Variants in PDE10A observed in about 807,000 individuals in gnomAD.
PDE10A encodes the protein cAMP and cAMP-inhibited cGMP 3',5'-cyclic phosphodiesterase 10A.
Under a neutral mutation model 97.7 loss-of-function variants are expected in PDE10A, and 39 were observed. The observed-to-expected ratio is 0.40, with a 90% CI of 0.31 to 0.52. The LOEUF is 0.52. PDE10A is among the 20% of genes least tolerant of loss of function. The pLI is 0.56. For missense variants in PDE10A, 731 were observed against 1,047.8 expected (o/e 0.70, Z 4.17); for synonymous variants, 371 against 376.8 (o/e 0.98, Z 0.18).
chr6:165,377,892 C>T (rs1784710635), intron 18 of PDE10A, among the ~76,000 whole-genome samples: 1 of 152,154 alleles, frequency 6.6e-6, no homozygotes, highest in African/African-American at 2.4e-5. Context: ...GGGGCTTTTC[C>T]CTGATACCAT....
chr6:165,763,432 C>A (rs1399449192), intron 1 of PDE10A, among the ~76,000 whole-genome samples: 8 of 151,532 alleles, frequency 5.3e-5, no homozygotes, highest in Non-Finnish European at 1.5e-5. Context: ...AAGCGATTCT[C>A]GTGCCTCAGC....
At position 165,572,542 on chromosome 6, in the gene PDE10A, A is replaced by G. The variant is rs77478779; in HGVS notation, c.866-28974T>C. On this transcript the variant is annotated intron_variant, in intron 1 of 21. Transcript: ENST00000539869. Reference sequence around the variant, plus strand: ...CTTAATCCAAAATGTCATTTTAACAATTCAGTGGCATTTCTAAATTGCTAA... The same window carrying G: ...CTTAATCCAAAATGTCATTTTAACAGTTCAGTGGCATTTCTAAATTGCTAA... 9.1e-3 allele frequency among the ~76,000 whole-genome samples: 1,390 copies of G among 152,370 alleles called. 22 individuals are homozygous for G. Among genetic ancestry groups the G allele is most frequent in the African/African-American group, 0.023 (969 of 41,592 alleles).
chr6:165,815,606 A>T (rs966162277), intron 1 of PDE10A, among the ~76,000 whole-genome samples: 1 of 152,190 alleles, frequency 6.6e-6, no homozygotes. Flanking sequence ...TGGACGGCCA[A>T]TGAAGAAGAG....
chr6:165,813,587 A>G (rs1417597125), intron 1 of PDE10A, among the ~76,000 whole-genome samples: 4 of 152,232 alleles, frequency 2.6e-5, no homozygotes, highest in Non-Finnish European at 5.9e-5. Context: ...AAAGATGACA[A>G]TGCATCCGAA....
intron 1 of PDE10A, among the ~76,000 whole-genome samples, chr6:165,896,081 C>T (rs1314854252): frequency 1.3e-5 from 2 of 152,182 alleles, no homozygotes; most frequent in East Asian, 1.9e-4. Flanking sequence ...CTGCCCGGGC[C>T]GTGGTGAGAA....
intron 18 of PDE10A, among the ~76,000 whole-genome samples, chr6:165,355,304 C>G (rs181915610): frequency 6.6e-6 from 1 of 152,090 alleles, no homozygotes; most frequent in Non-Finnish European, 1.5e-5. Flanking sequence ...AATGACCACA[C>G]CAATGATGAC....
At chr6:165,841,864 T>C (rs2128473333) in intron 1 of PDE10A, among the ~76,000 whole-genome samples, 1 of 152,342 alleles carries the variant, frequency 6.6e-6, no homozygotes, top group East Asian at 1.9e-4. Context: ...GGGCTTCAGT[T>C]ATCTCAACTA....
At chr6:165,773,639 G>A (rs1189483768) in intron 1 of PDE10A, among the ~76,000 whole-genome samples, 1 of 152,100 alleles carries the variant, frequency 6.6e-6, no homozygotes. Flanking sequence ...TGCAATAAAC[G>A]AATTCACTAT....
chr6:165,604,518 TAAA>T (rs34272357), intron 1 of PDE10A, among the ~76,000 whole-genome samples: 28 of 137,736 alleles, frequency 2.0e-4, no homozygotes, highest in Admixed American at 2.2e-4. Context: ...CTCTCTTTGT[TAAA>T]AAAAAAAAAA....
chr6:165,581,003 T>C (rs1785587884), intron 1 of PDE10A, among the ~76,000 whole-genome samples: 1 of 152,222 alleles, frequency 6.6e-6, no homozygotes, highest in Non-Finnish European at 1.5e-5. Flanking sequence ...CTTGTTAAAT[T>C]ATATAATTTT....
intron 1 of PDE10A, among the ~76,000 whole-genome samples, chr6:165,722,826 A>C (rs1792198518): frequency 6.6e-6 from 1 of 152,074 alleles, no homozygotes; most frequent in Non-Finnish European, 1.5e-5. Flanking sequence ...GTAACACAAC[A>C]TGAGATCCTA....
In PDE10A at chr6:165,361,072, A is replaced by T. The variant is rs567867569; in HGVS notation, c.2784-17570T>A. ...AGAAAAGGCAAACAGATTAAAAGAG[A>T]ATTGTATAACTATCTCTATTTGAAG... On this transcript the variant is annotated intron_variant, in intron 18 of 21. Coordinates refer to ENST00000539869, the MANE Select transcript of PDE10A (RefSeq NM_001385079.1). 2.6e-5 allele frequency among the ~76,000 whole-genome samples: 4 copies of T among 152,348 alleles called. No individual in the cohort carries two copies. The East Asian group carries it at 7.7e-4, about 29-fold the overall frequency.
chr6:165,773,947 T>C (rs944067038), intron 1 of PDE10A, among the ~76,000 whole-genome samples: 2 of 152,184 alleles, frequency 1.3e-5, no homozygotes, highest in Admixed American at 6.5e-5. Context: ...TTTTTTTTTT[T>C]CTAAAGCTGA....
intron 1 of PDE10A, among the ~76,000 whole-genome samples, chr6:165,772,457 TGC>T (rs899714800): frequency 6.6e-6 from 1 of 152,198 alleles, no homozygotes; most frequent in African/African-American, 2.4e-5. Context: ...ATGTTCTCCA[TGC>T]GGCGTCCTAG....
At chr6:165,679,702 G>A (rs930507998) in intron 1 of PDE10A, among the ~76,000 whole-genome samples, 4 of 152,226 alleles carry the variant, frequency 2.6e-5, no homozygotes, top group Admixed American at 2.6e-4. Context: ...TACAGAAACG[G>A]TTCAAGCCTC....
intron 3 of PDE10A, among the ~76,000 whole-genome samples, chr6:165,462,004 T>TC (rs1462399204): frequency 6.6e-6 from 1 of 152,266 alleles, no homozygotes; most frequent in African/African-American, 2.4e-5. Flanking sequence ...ATATCTTTTC[T>TC]CACTTTGGGC....
chr6:165,675,786 C>T (rs143824350), intron 1 of PDE10A, among the ~76,000 whole-genome samples: 162 of 152,248 alleles, frequency 1.1e-3, no homozygotes, highest in Non-Finnish European at 1.9e-3. Flanking sequence ...CCAAAAAAGA[C>T]AAAAACTCCT....
At chr6:165,901,761 C>G (rs35239798) in intron 1 of PDE10A, among the ~76,000 whole-genome samples, 1 of 151,864 alleles carries the variant, frequency 6.6e-6, no homozygotes, top group Non-Finnish European at 1.5e-5. Context: ...GAGATTGCGC[C>G]GTTGCACTGG....
chr6:165,351,974 C>T (rs1479047423), intron 18 of PDE10A, among the ~76,000 whole-genome samples: 1 of 152,094 alleles, frequency 6.6e-6, no homozygotes. Context: ...CTGCCTCAGC[C>T]TCCCAAGTAG....
Sources: gnomAD v4.1 joint callset for allele counts (sites outside exome capture counted in the v4.1 genomes callset) on GRCh38, gnomAD v4.1.1 for gene constraint, MANE v1.5 for transcripts, NCBI Gene and HGNC (gene_info 2026-07-23, HGNC 2026-07-21) for gene names.